KCNH7: variants seen among roughly 807,000 people sequenced by gnomAD.
KCNH7 encodes the protein potassium voltage-gated channel subfamily H member 7.
KCNH7 carries 49 observed loss-of-function variants against 120.8 expected under a neutral mutation model. The observed-to-expected ratio is 0.41, with a 90% CI of 0.32 to 0.51. The LOEUF (loss-of-function observed/expected upper bound fraction) is 0.51. Among genes scored for constraint, KCNH7 ranks in the 20% least tolerant of loss-of-function variants. KCNH7 has a pLI of 0.38. For missense variants in KCNH7, 1,097 were observed against 1,446.6 expected, an observed-to-expected ratio of 0.76 and a Z score of 3.92; for synonymous variants, 547 against 516.1, an observed-to-expected ratio of 1.06 and a Z score of -0.81.
intron 9 of KCNH7, among the ~76,000 whole-genome samples, chr2:162,416,083 C>T (rs190982389): frequency 2.6e-5 from 4 of 152,190 alleles, no homozygotes; most frequent in Admixed American, 6.6e-5. Context: ...GTGTTGCCTG[C>T]TATTAAATAT....
At chr2:162,760,702 T>C (rs2105450386) in intron 2 of KCNH7, among the ~76,000 whole-genome samples, 1 of 152,192 alleles carries the variant, frequency 6.6e-6, no homozygotes, top group African/African-American at 2.4e-5. Flanking sequence ...ACACCAGAAA[T>C]GTTTAGTGTT....
chr2:162,644,310 TC>T (rs1684274570), intron 2 of KCNH7, among the ~76,000 whole-genome samples: 1 of 152,148 alleles, frequency 6.6e-6, no homozygotes. Flanking sequence ...TTAAAGTTTT[TC>T]TTTTTTTTTT....
At chr2:162,689,618 G>A (rs1435763452) in intron 2 of KCNH7, among the ~76,000 whole-genome samples, 1 of 151,690 alleles carries the variant, frequency 6.6e-6, no homozygotes, top group Non-Finnish European at 1.5e-5. Flanking sequence ...AATGTATTTA[G>A]GCCTCACATT....
intron 10 of KCNH7, among the ~76,000 whole-genome samples, chr2:162,399,730 G>A (rs111786876): frequency 9.9e-4 from 151 of 151,832 alleles, no homozygotes; most frequent in African/African-American, 3.4e-3. Context: ...TTAATCCGAC[G>A]CGGCAGGTAA....
intron 9 of KCNH7, among the ~76,000 whole-genome samples, chr2:162,409,796 T>C (rs1176072327): frequency 6.6e-6 from 1 of 151,830 alleles, no homozygotes; most frequent in Non-Finnish European, 1.5e-5. Context: ...AACACCCAAG[T>C]TCAGAGACAA....
intron 6 of KCNH7, among the ~76,000 whole-genome samples, chr2:162,482,063 G>A (rs926720235): frequency 6.6e-6 from 1 of 151,682 alleles, no homozygotes; most frequent in East Asian, 1.9e-4. Context: ...TAGCTATCTA[G>A]CAAGAAACAC....
At chr2:162,782,772 C>A (rs186124008) in intron 2 of KCNH7, among the ~76,000 whole-genome samples, 1 of 152,174 alleles carries the variant, frequency 6.6e-6, no homozygotes, top group Non-Finnish European at 1.5e-5. Context: ...GCTGAAGCAT[C>A]CTCACCAAGG....
chr2:162,546,864 G>C (rs1004718676), intron 2 of KCNH7, among the ~76,000 whole-genome samples: 1 of 149,872 alleles, frequency 6.7e-6, no homozygotes, highest in Non-Finnish European at 1.5e-5. Flanking sequence ...AAAAAAAAAA[G>C]AGTCCACTCC....
chr2:162,631,702 G>A (rs561380052), intron 2 of KCNH7, among the ~76,000 whole-genome samples: 23 of 152,108 alleles, frequency 1.5e-4, no homozygotes, highest in Admixed American at 6.6e-4. Flanking sequence ...AAAAGTAACT[G>A]TGAGAAACAA....
chr2:162,564,059 T>C (rs1340341087), intron 2 of KCNH7, among the ~76,000 whole-genome samples: 1 of 152,190 alleles, frequency 6.6e-6, no homozygotes, highest in African/African-American at 2.4e-5. Context: ...TTAAAATATA[T>C]GTATTTCATT....
chr2:162,834,038 G>A (rs1685567943), intron 2 of KCNH7, among the ~76,000 whole-genome samples: 1 of 152,042 alleles, frequency 6.6e-6, no homozygotes, highest in South Asian at 2.1e-4. Flanking sequence ...AACGAATTAC[G>A]GAAACTTTGA....
intron 2 of KCNH7, among the ~76,000 whole-genome samples, chr2:162,660,897 A>C (rs1487924706): frequency 6.6e-6 from 1 of 152,188 alleles, no homozygotes; most frequent in East Asian, 1.9e-4. Context: ...GACTTAATTT[A>C]TTAGATACCA....
At chr2:162,550,987 T>C (rs1490375599) in intron 2 of KCNH7, among the ~76,000 whole-genome samples, 1 of 152,056 alleles carries the variant, frequency 6.6e-6, no homozygotes, top group East Asian at 1.9e-4. Context: ...TGTCAGATAT[T>C]TGGAGAAGAT....
intron 2 of KCNH7, among the ~76,000 whole-genome samples, chr2:162,723,857 T>C (rs1338330390): frequency 6.6e-6 from 1 of 152,186 alleles, no homozygotes; most frequent in Non-Finnish European, 1.5e-5. Flanking sequence ...GGGCCAGAAC[T>C]ATGAAGGCTA....
intron 2 of KCNH7, among the ~76,000 whole-genome samples, chr2:162,665,678 G>C (rs1685108720): frequency 6.6e-6 from 1 of 152,084 alleles, no homozygotes; most frequent in Non-Finnish European, 1.5e-5. Flanking sequence ...TTCTTGGGTT[G>C]TTACTAAGAA....
intron 2 of KCNH7, among the ~76,000 whole-genome samples, chr2:162,787,246 C>T (rs566152643): frequency 1.3e-5 from 2 of 152,234 alleles, no homozygotes; most frequent in East Asian, 3.9e-4. Context: ...GGTCAGTGCC[C>T]ACAGACCCAG....
Position 162,631,849 on chromosome 2 carries a change from C to T in KCNH7, c.308-94769G>A, listed in dbSNP as rs189966082. 3.0e-3 allele frequency among the ~76,000 whole-genome samples: 463 copies of T among 151,956 alleles called. 1 individual carries two copies. Among genetic ancestry groups the T allele is most frequent in the African/African-American group, 0.011 (439 of 41,480 alleles). On this transcript the variant is annotated intron_variant, in intron 2 of 15. Transcript: ENST00000332142. Reference sequence around the variant, plus strand: ...GTTTGACACAAGAAATATTAAAGCTCGGCAAGAAATTCTGTTTTAAAGTGT... The same window carrying T: ...GTTTGACACAAGAAATATTAAAGCTTGGCAAGAAATTCTGTTTTAAAGTGT...
At chr2:162,811,858 G>T (rs984718426) in intron 2 of KCNH7, among the ~76,000 whole-genome samples, 1 of 152,124 alleles carries the variant, frequency 6.6e-6, no homozygotes, top group African/African-American at 2.4e-5. Flanking sequence ...GGCAGGCGTA[G>T]ACTCTTCTGA....
chr2:162,431,757 T>C (rs1573950249), intron 8 of KCNH7, among the ~76,000 whole-genome samples: 1 of 151,790 alleles, frequency 6.6e-6, no homozygotes, highest in African/African-American at 2.4e-5. Flanking sequence ...GCAGAAAACA[T>C]GTATTATTCT....
Sources: gnomAD v4.1 joint callset for allele counts (sites outside exome capture counted in the v4.1 genomes callset) on GRCh38, gnomAD v4.1.1 for gene constraint, MANE v1.5 for transcripts, NCBI Gene and HGNC (gene_info 2026-07-23, HGNC 2026-07-21) for gene names.